Variants in RGS5 observed in about 807,000 individuals in gnomAD.
The protein encoded by RGS5 is regulator of G protein signaling 5.
Under a neutral mutation model 18.9 loss-of-function variants are expected in RGS5, and 20 were observed. That is an observed-to-expected ratio of 1.06 (90% CI 0.74 to 1.54). The LOEUF is 1.54. Ranked by LOEUF, RGS5 falls within the 40% of genes most tolerant of loss-of-function variation. The pLI is 0.00. For synonymous variants in RGS5, 57 were observed against 76.2 expected (o/e 0.75, Z 1.31); for missense variants, 201 against 211.8 (o/e 0.95, Z 0.32).
chr1:163,160,509 T>C (rs941321140), intron 3 of RGS5, among the ~76,000 whole-genome samples: 4 of 152,186 alleles, frequency 2.6e-5, no homozygotes, highest in Non-Finnish European at 5.9e-5. Flanking sequence ...GGCAGGGTAC[T>C]TTGTTTAGCA....
chr1:163,275,725 A>G (rs1648835818), intron 2 of RGS5, among the ~76,000 whole-genome samples: 1 of 152,322 alleles, frequency 6.6e-6, no homozygotes, highest in South Asian at 2.1e-4. Flanking sequence ...ATCTCCCTAC[A>G]TCATGGCAGA....
chr1:163,298,603 T>C (rs1649480517), intron 2 of RGS5, among the ~76,000 whole-genome samples: 1 of 152,128 alleles, frequency 6.6e-6, no homozygotes, highest in South Asian at 2.1e-4. Context: ...TAATAAAAGT[T>C]GTCTCCAAGG....
At chr1:163,250,614 G>T (rs564069788) in intron 2 of RGS5, among the ~76,000 whole-genome samples, 1 of 152,220 alleles carries the variant, frequency 6.6e-6, no homozygotes, top group Admixed American at 6.5e-5. Flanking sequence ...TTCAAGATTT[G>T]GCCTTCAGAG....
At chr1:163,309,627 T>G (rs1205510201) in intron 1 of RGS5, among the ~76,000 whole-genome samples, 2 of 152,202 alleles carry the variant, frequency 1.3e-5, no homozygotes, top group African/African-American at 2.4e-5. Flanking sequence ...CCATCACATC[T>G]TCAGGTGCTT....
At chr1:163,241,087 ACT>A (rs1359413015) in intron 2 of RGS5, among the ~76,000 whole-genome samples, 1 of 151,496 alleles carries the variant, frequency 6.6e-6, no homozygotes, top group Non-Finnish European at 1.5e-5. Context: ...ACCCCTGACC[ACT>A]CTCTCTGAAA....
intron 2 of RGS5, among the ~76,000 whole-genome samples, chr1:163,166,911 A>G (rs1235592313): frequency 6.6e-6 from 1 of 152,210 alleles, no homozygotes; most frequent in Non-Finnish European, 1.5e-5. Flanking sequence ...TTACTTCAAA[A>G]TAGATGTTTT....
intron 2 of RGS5, chr1:163,266,491 C>T (rs1219950614): frequency 6.6e-6 from 1 of 152,064 alleles, no homozygotes. Context: ...AGTTCTAACC[C>T]TTTAGGTCAT....
rs961732215 is a variant in RGS5, at chr1:163,180,898, G to A, written c.45-12530C>T. Among the ~76,000 whole-genome samples the A allele has an allele frequency of 2.0e-5, 3 of 151,834 alleles. 1 individual carries two copies. The highest frequency in any genetic ancestry group is 4.2e-4 in the South Asian group (2 of 4,814). On this transcript the variant is annotated intron_variant, in intron 1 of 4. Transcript: ENST00000313961. ...TTTAGTAGAGACGGGGTTACACCGC[G>A]TTAGCGAGGATGGTCTCGATATCCC...
rs1002945030 is a variant in RGS5 at position 163,261,143 on chromosome 1, G to A, written c.-281+45090C>T. 1.3e-4 allele frequency among the ~76,000 whole-genome samples: 20 copies of A among 152,152 alleles called. 1 individual carries two copies. The highest frequency in any genetic ancestry group is 3.6e-4 in the African/African-American group (15 of 41,424). ...CAGATTCTGCTGGGATGGTACAAAC[G>A]TTGTGTGCTTCCTCTTCTTTCCCCA... is the stretch of plus-strand genomic sequence containing the variant. On this transcript the variant is annotated intron_variant, in intron 2 of 5. Transcript: ENST00000618415.
intron 1 of RGS5, among the ~76,000 whole-genome samples, chr1:163,192,865 A>G (rs761446522): frequency 6.6e-5 from 10 of 152,194 alleles, no homozygotes; most frequent in Non-Finnish European, 1.3e-4. Context: ...ACTCCCATTC[A>G]CTGGATATCT....
chr1:163,159,599 T>G (rs1657719818), intron 3 of RGS5, among the ~76,000 whole-genome samples: 1 of 152,144 alleles, frequency 6.6e-6, no homozygotes, highest in South Asian at 2.1e-4. Context: ...CCCTTCTTTT[T>G]TAGTTGGGCT....
Position 163,301,359 on chromosome 1 carries a change from G to A in RGS5, c.-281+4874C>T, listed in dbSNP as rs1012740837. 3.3e-5 allele frequency among the ~76,000 whole-genome samples: 5 copies of A among 151,928 alleles called. No individual in the cohort carries two copies. In the South Asian group the frequency reaches 6.2e-4, roughly 19 times the overall value. On this transcript the variant is annotated intron_variant, in intron 2 of 5. Transcript: ENST00000618415. The stretch of plus-strand genomic sequence containing the variant: ...ATGAGTCTTTTTTTTTTGAGACAGG[G>A]TCTCACTCAGTCACTGAGGCTGGAG...
chr1:163,229,683 TAGCTACATG>T (rs1647427509), intron 2 of RGS5, among the ~76,000 whole-genome samples: 2 of 152,352 alleles, frequency 1.3e-5, no homozygotes, highest in Admixed American at 1.3e-4. Context: ...TCTCCTCAGA[TAGCTACATG>T]GCTGTCTCTC....
At chr1:163,234,241 T>C (rs773780491) in intron 2 of RGS5, among the ~76,000 whole-genome samples, 19 of 152,228 alleles carry the variant, frequency 1.2e-4, no homozygotes, top group Non-Finnish European at 2.4e-4. Context: ...TCTATTTCTA[T>C]TTTTCTTAGT....
chr1:163,215,608 C>T (rs900859927), intron 1 of RGS5, among the ~76,000 whole-genome samples: 10 of 152,146 alleles, frequency 6.6e-5, no homozygotes, highest in South Asian at 2.1e-4. Flanking sequence ...TTACCCAAGA[C>T]GGCAGCTGCG....
chr1:163,218,509 G>A (rs996882372), upstream of RGS5, among the ~76,000 whole-genome samples: 11 of 148,424 alleles, frequency 7.4e-5, no homozygotes, highest in African/African-American at 1.8e-4. Flanking sequence ...ATTACATCAT[G>A]TGTTTTTAAT....
At chr1:163,284,662 C>T (rs1018267874) in intron 2 of RGS5, among the ~76,000 whole-genome samples, 8 of 152,080 alleles carry the variant, frequency 5.3e-5, no homozygotes, top group Non-Finnish European at 1.0e-4. Flanking sequence ...TTTGTTTCTG[C>T]TGTGCAGGTA....
At chr1:163,218,036 G>GA (rs149864062), upstream of RGS5, among the ~76,000 whole-genome samples, 405 of 143,498 alleles carry the variant, frequency 2.8e-3, 2 homozygotes, top group Middle Eastern at 0.015. Flanking sequence ...TGACCTGCCT[G>GA]AAAAAAAAAA....
At chr1:163,301,228 A>T (rs1299801378) in intron 2 of RGS5, among the ~76,000 whole-genome samples, 1 of 152,220 alleles carries the variant, frequency 6.6e-6, no homozygotes, top group Non-Finnish European at 1.5e-5. Context: ...GAACAAATTT[A>T]TCATCAATCA....
Sources: allele counts gnomAD v4.1 joint callset (sites outside exome capture counted in the v4.1 genomes callset), GRCh38; gene constraint gnomAD v4.1.1; transcripts MANE v1.5; gene names NCBI Gene and HGNC (gene_info 2026-07-23, HGNC 2026-07-21).